The following LDB2 variants were observed in gnomAD, a reference collection of about 807,000 sequenced individuals.
The protein encoded by LDB2 is LIM domain binding 2.
Under a neutral mutation model 44.3 loss-of-function variants are expected in LDB2, and 12 were observed. That is an observed-to-expected ratio of 0.27 (90% confidence interval 0.17 to 0.44). The LOEUF (loss-of-function observed/expected upper bound fraction) is 0.44, where lower values mean the gene tolerates loss of function less well. LDB2 is among the 20% of genes least tolerant of loss of function. The probability of loss-of-function intolerance (pLI) is 1.00; values close to 1 mark genes in which losing one functional copy is unlikely to be tolerated. For missense variants in LDB2, 344 were observed against 473.5 expected (o/e 0.73, Z 2.54); for synonymous variants, 164 against 174.8 (o/e 0.94, Z 0.49).
chr4:16,549,812 C>A (rs115760929), intron 5 of LDB2, among the ~76,000 whole-genome samples: 1,775 of 152,300 alleles, frequency 0.012, 23 homozygotes, highest in South Asian at 0.059. Flanking sequence ...CATACCAGTT[C>A]TTCTCTGTAA....
At chr4:16,689,631 A>T (rs1750140291) in intron 2 of LDB2, among the ~76,000 whole-genome samples, 1 of 152,188 alleles carries the variant, frequency 6.6e-6, no homozygotes, top group Non-Finnish European at 1.5e-5. Context: ...AATCTACTTC[A>T]GTTTCCTCAT....
chr4:16,809,220 A>C (rs112248513), intron 1 of LDB2, among the ~76,000 whole-genome samples: 2 of 152,332 alleles, frequency 1.3e-5, no homozygotes, highest in African/African-American at 4.8e-5. Flanking sequence ...GCTACATAAC[A>C]GATATTGACA....
intron 1 of LDB2, among the ~76,000 whole-genome samples, chr4:16,861,643 G>A (rs11929966): frequency 0.26 from 39,561 of 152,088 alleles, 6,029 homozygotes; most frequent in East Asian, 0.68. Context: ...ACGCCAGTCC[G>A]TGCTTTCAAA....
chr4:16,868,780 A>T (rs1466080494), intron 1 of LDB2, among the ~76,000 whole-genome samples: 1 of 151,988 alleles, frequency 6.6e-6, no homozygotes, highest in Non-Finnish European at 1.5e-5. Context: ...TGTTTTTAGG[A>T]TCTGTTTCTT....
intron 1 of LDB2, among the ~76,000 whole-genome samples, chr4:16,871,754 G>A (rs1233856108): frequency 6.6e-6 from 1 of 150,984 alleles, no homozygotes; most frequent in Non-Finnish European, 1.5e-5. Context: ...CCAAGTACCT[G>A]GGATCACAGG....
At chr4:16,659,882 T>C (rs112242107) in intron 2 of LDB2, among the ~76,000 whole-genome samples, 19 of 152,242 alleles carry the variant, frequency 1.2e-4, no homozygotes, top group African/African-American at 4.6e-4. Context: ...ACAAAGGCTT[T>C]TGTAACTGTG....
intron 2 of LDB2, among the ~76,000 whole-genome samples, chr4:16,701,819 C>T (rs1201514590): frequency 6.6e-6 from 1 of 152,100 alleles, no homozygotes; most frequent in African/African-American, 2.4e-5. Context: ...TCTGTAAGTT[C>T]GGGATATAGT....
chr4:16,719,614 G>A (rs1387886500), intron 2 of LDB2, among the ~76,000 whole-genome samples: 1 of 151,978 alleles, frequency 6.6e-6, no homozygotes, highest in African/African-American at 2.4e-5. Context: ...AAGTAATATG[G>A]TTGAAATATG....
intron 5 of LDB2, among the ~76,000 whole-genome samples, chr4:16,539,460 G>A (rs188882907): frequency 6.6e-5 from 10 of 152,294 alleles, no homozygotes; most frequent in Admixed American, 2.0e-4. Flanking sequence ...GACAAGGGCA[G>A]TTTCTGCCCC....
intron 1 of LDB2, among the ~76,000 whole-genome samples, chr4:16,783,993 G>A (rs1024699614): frequency 5.9e-5 from 9 of 152,144 alleles, no homozygotes; most frequent in African/African-American, 1.7e-4. Context: ...TAAGATGACT[G>A]GACAAGAATC....
chr4:16,628,531 G>C (rs1730944994), intron 2 of LDB2, among the ~76,000 whole-genome samples: 2 of 151,644 alleles, frequency 1.3e-5, no homozygotes, highest in South Asian at 4.2e-4. Context: ...AACTTTTTTT[G>C]CCTGACAAAA....
At chr4:16,846,092 C>T (rs558467214) in intron 1 of LDB2, among the ~76,000 whole-genome samples, 32 of 143,722 alleles carry the variant, frequency 2.2e-4, no homozygotes, top group East Asian at 1.2e-3. Flanking sequence ...CCAGCCTGGG[C>T]GACAGAGCAA....
intron 2 of LDB2, among the ~76,000 whole-genome samples, chr4:16,753,086 G>T (rs1765798478): frequency 6.6e-6 from 1 of 152,172 alleles, no homozygotes; most frequent in Non-Finnish European, 1.5e-5. Context: ...TTAAATTCTT[G>T]CACTTGAAAT....
chr4:16,550,244 T>C lies in LDB2; in HGVS notation c.615+35678A>G, dbSNP rs559558589. Among the ~76,000 whole-genome samples, 156 of 152,346 alleles carry C rather than the reference T, an allele frequency of 1.0e-3. 1 individual carries two copies. The South Asian group carries it at 0.013, about 13-fold the overall frequency. On this transcript the variant is annotated intron_variant, in intron 5 of 7. Coordinates refer to ENST00000304523, the MANE Select transcript of LDB2 (RefSeq NM_001290.5). ...ACTTTCTGTAGGAAGCCTTCTTAGGTCCTACTAGAATTAATCTCCCCATCT... is the reference window on the plus strand; with the variant it reads ...ACTTTCTGTAGGAAGCCTTCTTAGGCCCTACTAGAATTAATCTCCCCATCT...
At chr4:16,865,480 C>A (rs1231148183) in intron 1 of LDB2, among the ~76,000 whole-genome samples, 4 of 152,166 alleles carry the variant, frequency 2.6e-5, no homozygotes, top group Non-Finnish European at 5.9e-5. Flanking sequence ...ACAAGCCCTG[C>A]TGGAGATGGC....
chr4:16,716,193 T>A (rs1056315359), intron 2 of LDB2, among the ~76,000 whole-genome samples: 9 of 152,160 alleles, frequency 5.9e-5, no homozygotes, highest in African/African-American at 2.2e-4. Context: ...TTCTGGAGCT[T>A]TAAGCTTTCA....
At chr4:16,742,507 C>G (rs113684437) in intron 2 of LDB2, among the ~76,000 whole-genome samples, 2,305 of 152,266 alleles carry the variant, frequency 0.015, 33 homozygotes, top group Non-Finnish European at 0.023. Context: ...AGGCATTTTA[C>G]AAGACACAGA....
intron 2 of LDB2, among the ~76,000 whole-genome samples, chr4:16,735,917 G>GA (rs1761802169): frequency 6.6e-6 from 1 of 152,174 alleles, no homozygotes; most frequent in African/African-American, 2.4e-5. Flanking sequence ...ACCCTGGATG[G>GA]AAAAACTGGT....
At chr4:16,652,209 AGT>A (rs1382431080) in intron 2 of LDB2, among the ~76,000 whole-genome samples, 2 of 152,054 alleles carry the variant, frequency 1.3e-5, no homozygotes, top group African/African-American at 2.4e-5. Flanking sequence ...GCCCTCCCAA[AGT>A]GTTATGTTTA....
Sources: gnomAD v4.1 joint callset for allele counts (sites outside exome capture counted in the v4.1 genomes callset) on GRCh38, gnomAD v4.1.1 for gene constraint, MANE v1.5 for transcripts, NCBI Gene and HGNC (gene_info 2026-07-23, HGNC 2026-07-21) for gene names.